TTC33: variants seen among roughly 807,000 people sequenced by gnomAD.
TTC33 encodes the protein tetratricopeptide repeat domain 33, also known as tetratricopeptide repeat protein 33.
In TTC33, 24 loss-of-function variants were observed where a neutral mutation model predicts 29.4. That is an observed-to-expected ratio of 0.82 (90% CI 0.59 to 1.15). TTC33 has a LOEUF of 1.15. Ranked by LOEUF, TTC33 falls within the 50% of genes most tolerant of loss-of-function variation. TTC33 has a pLI of 0.00. For missense variants in TTC33, 286 were observed against 310.4 expected, an observed-to-expected ratio of 0.92 and a Z score of 0.59; for synonymous variants, 107 against 100.3, an observed-to-expected ratio of 1.07 and a Z score of -0.40.
intron 2 of TTC33, among the ~76,000 whole-genome samples, chr5:40,742,220 A>G (rs1441249494): frequency 1.3e-5 from 2 of 152,026 alleles, no homozygotes; most frequent in Non-Finnish European, 2.9e-5. Context: ...GTATTTTTGT[A>G]TCCGTTATTG....
intron 4 of TTC33, among the ~76,000 whole-genome samples, chr5:40,725,631 C>T (rs1040966146): frequency 6.6e-6 from 1 of 152,128 alleles, no homozygotes; most frequent in African/African-American, 2.4e-5. Flanking sequence ...CAGAAGAATC[C>T]TTCCTGATAC....
intron 4 of TTC33, among the ~76,000 whole-genome samples, chr5:40,718,439 T>C (rs966175128): frequency 6.6e-6 from 1 of 151,148 alleles, no homozygotes; most frequent in African/African-American, 2.4e-5. Flanking sequence ...TACACAGAGA[T>C]AGGTATATAA....
intron 4 of TTC33, among the ~76,000 whole-genome samples, 165 bp from the exon 5 acceptor site, chr5:40,716,663 T>TG: frequency 6.6e-6 from 1 of 152,140 alleles, no homozygotes; most frequent in Non-Finnish European, 1.5e-5. Flanking sequence ...CCCTAAACAC[T>TG]GGGGAAAAAA....
intron 4 of TTC33, among the ~76,000 whole-genome samples, chr5:40,720,704 A>T (rs1322285366): frequency 6.6e-6 from 1 of 152,106 alleles, no homozygotes; most frequent in African/African-American, 2.4e-5. Context: ...AAATCCAGAA[A>T]CTAACTGAAA....
At chr5:40,754,105 T>C (rs1742943460) in intron 1 of TTC33, among the ~76,000 whole-genome samples, 1 of 152,198 alleles carries the variant, frequency 6.6e-6, no homozygotes. Context: ...GTATAAGTTA[T>C]GGCCCAAGGT....
rs770409701 is a variant in TTC33 at position 40,728,369 on chromosome 5, T to C, written c.411A>G (p.Gln137=). 1.9e-5 allele frequency: 31 copies of C among 1,611,918 alleles called. 1 individual carries two copies. The South Asian group carries it at 2.8e-4, about 14-fold the overall frequency. The change falls in exon 4 of 5, where the codon CAA becomes CAG. Residue 137 remains glutamine (Q), a synonymous_variant. Transcript: ENST00000337702. The part of the protein sequence containing the change: ...WESWQTLGRA[Q]LGLGEIILAI... The stretch of plus-strand genomic sequence containing the variant: ...CCAGGATTATCTCTCCTAAACCAAG[T>C]TGAGCACGTCCCAAAGTCTGCCAAG...
intron 2 of TTC33, among the ~76,000 whole-genome samples, chr5:40,742,439 TC>T (rs1247429377): frequency 6.6e-6 from 1 of 152,202 alleles, no homozygotes; most frequent in Admixed American, 6.5e-5. Context: ...GTAGATATTT[TC>T]TGCAGAAAAG....
chr5:40,728,433 G>C lies in TTC33; in HGVS notation c.347C>G (p.Ala116Gly). The change falls in exon 4 of 5, where the codon GCA (alanine) becomes GGA (glycine). Residue 116 changes from alanine (A) to glycine (G), a missense_variant. Physicochemically the swap from Ala to Gly is moderately conservative, Grantham distance 60. Coordinates refer to ENST00000337702, the MANE Select transcript of TTC33 (RefSeq NM_012382.3). Reference sequence around the variant, plus strand: ...TGGATTTTGCTGGACGGCCATTTCTGCTGCATGTACTGCTGGGAACATTTC... The same window carrying C: ...TGGATTTTGCTGGACGGCCATTTCTCCTGCATGTACTGCTGGGAACATTTC... ...LHEMFPAVHA[A>G]EMAVQQNPHS... The C allele has an allele frequency of 2.5e-6, 4 of 1,613,770 alleles. No individual in the cohort carries two copies. The highest frequency in any genetic ancestry group is 3.4e-6 in the Non-Finnish European group (4 of 1,179,902).
At chr5:40,735,183 T>C (rs1010734310) in intron 2 of TTC33, among the ~76,000 whole-genome samples, 3 of 152,212 alleles carry the variant, frequency 2.0e-5, no homozygotes, top group Admixed American at 2.0e-4. Context: ...GTGGATTTAA[T>C]TGTATGTGTG....
At chr5:40,747,145 G>A in intron 1 of TTC33, 126 bp from the exon 2 acceptor site, 5 of 769,036 alleles carry the variant, frequency 6.5e-6, no homozygotes, top group Middle Eastern at 3.8e-4. Context: ...CGTAACCTCC[G>A]CCTCCCGGGT....
chr5:40,745,819 C>T (rs1033387470), intron 2 of TTC33, among the ~76,000 whole-genome samples: 10 of 151,892 alleles, frequency 6.6e-5, no homozygotes, highest in African/African-American at 1.9e-4. Flanking sequence ...ACCGCATCCT[C>T]GAACTCCTGG....
At chr5:40,725,076 G>GACCTCAGGTGATCAACCC (rs1416300302) in intron 4 of TTC33, among the ~76,000 whole-genome samples, 4 of 151,456 alleles carry the variant, frequency 2.6e-5, no homozygotes, top group African/African-American at 7.3e-5. Flanking sequence ...CAAAACTCCT[G>GACCTCAGGTGATCAACCC]ACCTCAGGTG....
intron 2 of TTC33, among the ~76,000 whole-genome samples, chr5:40,742,690 A>G (rs1742718994): frequency 1.3e-5 from 2 of 152,228 alleles, no homozygotes; most frequent in African/African-American, 4.8e-5. Flanking sequence ...AGATTAAAAA[A>G]AGAAGAAAAA....
At chr5:40,724,002 C>T (rs561604919) in intron 4 of TTC33, among the ~76,000 whole-genome samples, 1 of 152,096 alleles carries the variant, frequency 6.6e-6, no homozygotes, top group South Asian at 2.1e-4. Flanking sequence ...ATTAGAACTA[C>T]CATGTAATAA....
chr5:40,724,527 G>A (rs372183313), intron 4 of TTC33, among the ~76,000 whole-genome samples: 35 of 152,068 alleles, frequency 2.3e-4, no homozygotes, highest in African/African-American at 8.2e-4. Context: ...CAGCTACTTG[G>A]GAGGCTGAGG....
At position 40,716,047 on chromosome 5, in the gene TTC33, C is replaced by A; in HGVS notation, c.*98G>T. The stretch of plus-strand genomic sequence containing the variant: ...TCATCTGAAAAACATATTTTACAAC[C>A]AGGCGTTCTCCTATCTATCTCCAGA... On this transcript the variant is annotated 3_prime_UTR_variant, in exon 5 of 5. Coordinates refer to ENST00000337702, the MANE Select transcript of TTC33 (RefSeq NM_012382.3). 1.0e-6 allele frequency: 1 copy of A among 994,504 alleles called. No homozygotes were observed. Among genetic ancestry groups the A allele is most frequent in the Non-Finnish European group, 1.4e-6 (1 of 692,488 alleles). The allele number at this position is 994,504 out of a possible 1,614,324, so 61.6% of individuals were successfully genotyped here.
intron 4 of TTC33, among the ~76,000 whole-genome samples, chr5:40,721,911 T>C (rs1373843652): frequency 1.3e-5 from 2 of 152,182 alleles, no homozygotes; most frequent in Non-Finnish European, 2.9e-5. Context: ...AGGTTTTAAC[T>C]TTCAAATATA....
At chr5:40,745,090 T>A (rs1039284306) in intron 2 of TTC33, among the ~76,000 whole-genome samples, 1 of 152,144 alleles carries the variant, frequency 6.6e-6, no homozygotes, top group Admixed American at 6.5e-5. Flanking sequence ...ACTCTTCCAA[T>A]AGTCAGTGTC....
chr5:40,752,546 G>A (rs566189200), intron 1 of TTC33, among the ~76,000 whole-genome samples: 225 of 152,272 alleles, frequency 1.5e-3, no homozygotes, highest in African/African-American at 5.3e-3. Context: ...AGGAAATAGG[G>A]AGACCCAAGG....
Sources: allele counts gnomAD v4.1 joint callset (sites outside exome capture counted in the v4.1 genomes callset), GRCh38; gene constraint gnomAD v4.1.1; transcripts MANE v1.5; gene names NCBI Gene and HGNC (gene_info 2026-07-23, HGNC 2026-07-21).